POLN: variants seen among roughly 807,000 people sequenced by gnomAD.
POLN encodes the protein DNA polymerase nu.
POLN carries 108 observed loss-of-function variants against 113.5 expected under a neutral mutation model. That is an observed-to-expected ratio of 0.95 (90% CI 0.81 to 1.12). POLN has a LOEUF of 1.12. Among genes scored for constraint, POLN ranks in the 50% most tolerant of loss-of-function variants. The pLI, the probability that POLN is intolerant of heterozygous loss-of-function variation, is 0.00. For synonymous variants in POLN, 386 were observed against 391.5 expected, an observed-to-expected ratio of 0.99 and a Z score of 0.17; for missense variants, 1,097 against 1,077.1, an observed-to-expected ratio of 1.02 and a Z score of -0.26.
Position 2,185,597 on chromosome 4 carries a change from T to G in POLN, c.1022-6132A>C, listed in dbSNP as rs1733251259. Among the ~76,000 whole-genome samples the G allele has an allele frequency of 2.6e-5, 4 of 152,042 alleles. No homozygotes were observed. The South Asian group carries it at 8.3e-4, about 32-fold the overall frequency. ...CCCTCTCTACCAAAAATATAAAAAA[T>G]TAGCCAGGCATGGTGGCACGTGCCT... On this transcript the variant is annotated intron_variant, in intron 7 of 25. Coordinates refer to ENST00000511885, the MANE Select transcript of POLN (RefSeq NM_181808.4).
At chr4:2,124,319 G>T (rs1412444196) in intron 19 of POLN, among the ~76,000 whole-genome samples, 1 of 152,154 alleles carries the variant, frequency 6.6e-6, no homozygotes, top group African/African-American at 2.4e-5. Context: ...TGTCGAGGCG[G>T]AGTGCAGTGG....
At position 2,080,204 on chromosome 4, in the gene POLN, C is replaced by T. The variant is rs1014733830; in HGVS notation, c.2387+754G>A. The T allele has an allele frequency of 1.0e-5, 10 of 987,554 alleles. No individual in the cohort carries two copies. In the African/African-American group the frequency reaches 1.7e-4, roughly 17 times the overall value. 61.2% of individuals were successfully genotyped at this position (987,554 alleles called of 1,614,324 possible). On this transcript the variant is annotated intron_variant, in intron 23 of 25. Coordinates refer to ENST00000511885, the MANE Select transcript of POLN (RefSeq NM_181808.4). ...CGAGGAGAGGAGGTGTCTGGGTCACCACTTGCAGCACCCCCAGGCCTTGGC... is the reference window on the plus strand; with the variant it reads ...CGAGGAGAGGAGGTGTCTGGGTCACTACTTGCAGCACCCCCAGGCCTTGGC...
In POLN at chr4:2,093,347, GC is replaced by G. The variant is rs1393007532; in HGVS notation, c.2065+2503del. ...TCACTTGGAGGCATTTACTGACATG[GC>G]ACAGAAGTGAAGTAGGACTCAGACG... On this transcript the variant is annotated intron_variant, in intron 20 of 25. Transcript: ENST00000511885. The surrounding 1 kb of genome is among the most constrained non-coding windows in gnomAD (Gnocchi z 4.1). Among the ~76,000 whole-genome samples, 4 of 152,242 alleles carry G rather than the reference GC, an allele frequency of 2.6e-5. No homozygotes were observed. The highest frequency in any genetic ancestry group is 7.2e-5 in the African/African-American group (3 of 41,464).
At chr4:2,135,853 G>C (rs951714443) in intron 16 of POLN, among the ~76,000 whole-genome samples, 25 of 152,182 alleles carry the variant, frequency 1.6e-4, no homozygotes, top group African/African-American at 5.1e-4. Context: ...AGCACGCAGG[G>C]GAACCGTTCG....
At chr4:2,155,111 C>T (rs552734391) in intron 16 of POLN, among the ~76,000 whole-genome samples, 4 of 152,214 alleles carry the variant, frequency 2.6e-5, no homozygotes, top group South Asian at 2.1e-4. Flanking sequence ...AGGACCTCCA[C>T]GAAAAGTTTC....
chr4:2,182,071 C>A (rs1194758489), intron 7 of POLN, among the ~76,000 whole-genome samples: 3 of 150,992 alleles, frequency 2.0e-5, no homozygotes, highest in African/African-American at 7.3e-5. Context: ...AGTATCGACA[C>A]AGAATAGACC....
At chr4:2,236,889 TATAATA>T (rs919205825) in intron 2 of POLN, among the ~76,000 whole-genome samples, 3 of 149,028 alleles carry the variant, frequency 2.0e-5, no homozygotes, top group Middle Eastern at 3.6e-3. Context: ...TAATTATAAT[TATAATA>T]ATAATATTAT....
intron 5 of POLN, among the ~76,000 whole-genome samples, chr4:2,199,805 G>A (rs1366839817): frequency 1.3e-5 from 2 of 152,020 alleles, no homozygotes; most frequent in Non-Finnish European, 2.9e-5. Context: ...TCGAACTCCT[G>A]AGCTCAGCCA....
chr4:2,213,835 T>G (rs571402945), intron 3 of POLN, among the ~76,000 whole-genome samples: 3 of 152,310 alleles, frequency 2.0e-5, no homozygotes, highest in African/African-American at 7.2e-5. Context: ...CATTAGGATA[T>G]AGATCACAAA....
At chr4:2,130,678 G>C (rs1376163143) in intron 17 of POLN, among the ~76,000 whole-genome samples, 1 of 152,128 alleles carries the variant, frequency 6.6e-6, no homozygotes, top group Non-Finnish European at 1.5e-5. Context: ...GGAGGCTGGT[G>C]GGGGAGAGAT....
chr4:2,236,547 G>T, intron 2 of POLN: 1 of 833,796 alleles, frequency 1.2e-6, no homozygotes, highest in Non-Finnish European at 1.9e-6. Context: ...CATTTGTGGG[G>T]ATAGCTAAGT....
chr4:2,172,280 C>A (rs409246), intron 11 of POLN, among the ~76,000 whole-genome samples: 127,176 of 152,160 alleles, frequency 0.84, 54,489 homozygotes, highest in Non-Finnish European at 0.94. Flanking sequence ...GAACTGGGCT[C>A]AACTGCAATG....
intron 16 of POLN, among the ~76,000 whole-genome samples, chr4:2,143,816 A>T (rs951318163): frequency 2.0e-5 from 3 of 152,196 alleles, no homozygotes; most frequent in Non-Finnish European, 4.4e-5. Context: ...TTAAAAATAT[A>T]TGATCCAACA....
rs150570640 is a variant in POLN at position 2,129,194 on chromosome 4, T to C, written c.1852A>G (p.Thr618Ala). Residue 618 changes from threonine to alanine, a missense_variant, in exon 18 of 26, where the codon ACC becomes GCC. By Grantham distance (58) the Thr-to-Ala change is moderately conservative (BLOSUM62 0). Transcript: ENST00000511885. ...RAMFVSSKGH[T>A]FLAADFSQIE... ...AGCAACGTACCTGCTGCTAGAAAGG[T>C]GTGGCCTTTGGATGAAACAAACATG... 8.4e-4 allele frequency: 1,340 copies of C among 1,591,612 alleles called. 1 individual carries two copies. The highest frequency in any genetic ancestry group is 1.3e-3 in the Middle Eastern group (8 of 6,024).
rs1013267687 is a variant in POLN at position 2,242,064 on chromosome 4, G to A, written c.-297C>T. The A allele has an allele frequency of 5.0e-5, 49 of 985,628 alleles. No individual in the cohort carries two copies. The African/African-American group carries it at 7.5e-4, about 15-fold the overall frequency. The allele number at this position is 985,628 out of a possible 1,614,324, so 61.1% of individuals were successfully genotyped here. A position where few individuals can be genotyped will look rare whatever the true frequency, so the allele number is the denominator to read the frequency against. On this transcript the variant is annotated 5_prime_UTR_variant, in exon 1 of 26. Coordinates refer to ENST00000511885, the MANE Select transcript of POLN (RefSeq NM_181808.4). ...CGCGTCAGTCACCTCAGGAAGTTCC[G>A]CTTGCTTCTCGCAGGAGCCCGCCGC...
At chr4:2,088,360 T>C (rs1188267478) in intron 20 of POLN, among the ~76,000 whole-genome samples, 1 of 152,190 alleles carries the variant, frequency 6.6e-6, no homozygotes, top group African/African-American at 2.4e-5. Flanking sequence ...TTTTCGTTTA[T>C]GAACAAAGCA....
At chr4:2,115,609 T>C (rs1319903901) in intron 19 of POLN, among the ~76,000 whole-genome samples, 1 of 152,186 alleles carries the variant, frequency 6.6e-6, no homozygotes, top group Non-Finnish European at 1.5e-5. Flanking sequence ...TGTTCTTGCT[T>C]CTTCTTAGGT....
At chr4:2,226,576 T>G (rs1734399774) in intron 3 of POLN, among the ~76,000 whole-genome samples, 1 of 152,012 alleles carries the variant, frequency 6.6e-6, no homozygotes, top group East Asian at 1.9e-4. Context: ...CATGACAAAG[T>G]GTTTCTAAAT....
chr4:2,188,876 G>A (rs913142607), intron 7 of POLN, among the ~76,000 whole-genome samples: 13 of 152,160 alleles, frequency 8.5e-5, no homozygotes, highest in African/African-American at 2.4e-4. Context: ...CAAAATGTGT[G>A]TAGGGGGTGG....
Sources: gnomAD v4.1 joint callset for allele counts (sites outside exome capture counted in the v4.1 genomes callset) on GRCh38, gnomAD v4.1.1 for gene constraint, Gnocchi (gnomAD v3.1) non-coding constraint, MANE v1.5 for transcripts, NCBI Gene and HGNC (gene_info 2026-07-23, HGNC 2026-07-21) for gene names.